ANKRD6: variants seen among roughly 807,000 people sequenced by gnomAD.
ANKRD6 encodes the protein ankyrin repeat domain 6.
Under a neutral mutation model 82.3 loss-of-function variants are expected in ANKRD6, and 56 were observed. That is an observed-to-expected ratio of 0.68 (90% CI 0.55 to 0.85). ANKRD6 has a LOEUF of 0.85. Ranked by LOEUF, ANKRD6 falls within the 40% of genes least tolerant of loss-of-function variation. The probability of loss-of-function intolerance (pLI) is 0.00; values close to 1 mark genes in which losing one functional copy is unlikely to be tolerated. For missense variants in ANKRD6, 852 were observed against 907.6 expected, an observed-to-expected ratio of 0.94 and a Z score of 0.79; for synonymous variants, 347 against 352.1, an observed-to-expected ratio of 0.99 and a Z score of 0.16.
chr6:89,434,526 G>A (rs911013127), intron 1 of ANKRD6, among the ~76,000 whole-genome samples: 17 of 152,136 alleles, frequency 1.1e-4, no homozygotes, highest in Non-Finnish European at 2.2e-4. Flanking sequence ...TCGCTCTGTT[G>A]CCCAGGCTGT....
intron 1 of ANKRD6, among the ~76,000 whole-genome samples, chr6:89,542,178 C>A (rs1156392173): frequency 1.3e-5 from 2 of 152,114 alleles, no homozygotes; most frequent in African/African-American, 2.4e-5. Context: ...TTAACGTGCT[C>A]TTCTGTTTCT....
At chr6:89,586,511 A>T (rs1253963714) in intron 2 of ANKRD6, among the ~76,000 whole-genome samples, 4 of 152,044 alleles carry the variant, frequency 2.6e-5, no homozygotes, top group African/African-American at 9.7e-5. Context: ...ACATGGTGAA[A>T]CCCTGTCTCT....
chr6:89,510,502 CCTT>C (rs1445680879), intron 1 of ANKRD6, among the ~76,000 whole-genome samples: 1 of 151,630 alleles, frequency 6.6e-6, no homozygotes, highest in Admixed American at 6.6e-5. Context: ...GTTTTTTGGT[CCTT>C]ATTATTTTTG....
intron 1 of ANKRD6, among the ~76,000 whole-genome samples, chr6:89,460,213 GATA>G (rs1562549704): frequency 6.6e-6 from 1 of 150,692 alleles, no homozygotes; most frequent in East Asian, 1.9e-4. Flanking sequence ...GATGAATTTG[GATA>G]ATAATGTAGT....
At chr6:89,569,150 G>C (rs979770991) in intron 2 of ANKRD6, among the ~76,000 whole-genome samples, 1 of 151,912 alleles carries the variant, frequency 6.6e-6, no homozygotes, top group Non-Finnish European at 1.5e-5. Context: ...CCTGACCTCA[G>C]GTGACCCACC....
intron 1 of ANKRD6, among the ~76,000 whole-genome samples, chr6:89,441,019 C>G (rs1028032733): frequency 1.3e-5 from 2 of 152,008 alleles, no homozygotes. Context: ...GTTGATGATG[C>G]CTTCACTAGA....
rs538691415 is a variant in ANKRD6, at chr6:89,433,915, C to T, written c.-144+540C>T. ...CATCTCCCGGGGTCCAGAGAGTCGG[C>T]GTGCTGTCTGGTTTGGGTCCAGACA... On this transcript the variant is annotated intron_variant, in intron 1 of 15. Transcript: ENST00000339746. This position sits in a 1 kb window ranked among gnomAD's most constrained non-coding sequence, Gnocchi z 4.3. 6.6e-5 allele frequency among the ~76,000 whole-genome samples: 10 copies of T among 152,364 alleles called. No homozygotes were observed. The South Asian group carries it at 1.4e-3, about 22-fold the overall frequency.
Position 89,433,748 on chromosome 6 carries a change from G to T in ANKRD6, c.-144+373G>T, listed in dbSNP as rs1770258444. Among the ~76,000 whole-genome samples, 1 of 152,186 alleles carries T rather than the reference G, an allele frequency of 6.6e-6. No individual in the cohort carries two copies. The highest frequency in any genetic ancestry group is 2.4e-5 in the African/African-American group (1 of 41,466). On this transcript the variant is annotated intron_variant, in intron 1 of 15. Coordinates refer to ENST00000339746, the MANE Select transcript of ANKRD6 (RefSeq NM_001242809.2). The surrounding 1 kb of genome is among the most constrained non-coding windows in gnomAD (Gnocchi z 4.3). ...GTCCGAGTACCCCGCGGTCTGCGGCGCGTAGGAGGGTAGGTCCCTGGCCTG... is the reference window on the plus strand; with the variant it reads ...GTCCGAGTACCCCGCGGTCTGCGGCTCGTAGGAGGGTAGGTCCCTGGCCTG...
At chr6:89,559,603 T>A (rs1191017129) in intron 1 of ANKRD6, among the ~76,000 whole-genome samples, 1 of 152,210 alleles carries the variant, frequency 6.6e-6, no homozygotes, top group Non-Finnish European at 1.5e-5. Context: ...TGTGATGCTG[T>A]GTTAATTATT....
chr6:89,506,408 G>A (rs556384840), intron 1 of ANKRD6, among the ~76,000 whole-genome samples: 9 of 152,084 alleles, frequency 5.9e-5, no homozygotes, highest in South Asian at 4.1e-4. Flanking sequence ...TCCACCTCCC[G>A]GGTTCAAGCT....
intron 3 of ANKRD6, chr6:89,598,515 T>A: frequency 1.5e-6 from 1 of 679,076 alleles, no homozygotes; most frequent in Non-Finnish European, 1.8e-6. Flanking sequence ...TGTTTCCTCT[T>A]GAAGAGGCGC....
chr6:89,591,879 G>A (rs1374030306), intron 2 of ANKRD6, among the ~76,000 whole-genome samples: 1 of 152,148 alleles, frequency 6.6e-6, no homozygotes, highest in Admixed American at 6.5e-5. Context: ...GAATGTGCAG[G>A]GAACACAGCC....
chr6:89,577,583 G>C (rs1176286418), intron 2 of ANKRD6, among the ~76,000 whole-genome samples: 3 of 152,128 alleles, frequency 2.0e-5, no homozygotes, highest in African/African-American at 7.2e-5. Flanking sequence ...GGAGTCCCCA[G>C]GCAGAGTATC....
chr6:89,592,991 T>C (rs1795190022), intron 2 of ANKRD6, among the ~76,000 whole-genome samples: 1 of 152,146 alleles, frequency 6.6e-6, no homozygotes, highest in Non-Finnish European at 1.5e-5. Flanking sequence ...AGAGGATTGC[T>C]TGAACCTAGA....
At chr6:89,437,371 C>G (rs768639651) in intron 1 of ANKRD6, among the ~76,000 whole-genome samples, 16 of 152,132 alleles carry the variant, frequency 1.1e-4, no homozygotes, top group Non-Finnish European at 1.8e-4. Flanking sequence ...CTGAAAACTC[C>G]AGGACCAATT....
intron 3 of ANKRD6, chr6:89,602,542 A>G (rs1380348091): frequency 6.2e-6 from 1 of 162,344 alleles, no homozygotes; most frequent in Non-Finnish European, 1.4e-5. Context: ...TGACTAGTAC[A>G]GGTCAATGAA....
intron 12 of ANKRD6, 135 bp from the exon 13 acceptor site, chr6:89,624,396 TGTTCCAAA>T: frequency 9.0e-7 from 1 of 1,111,910 alleles, no homozygotes; most frequent in East Asian, 2.6e-5. Flanking sequence ...GCCTATAAGA[TGTTCCAAA>T]GTTATGACAA....
intron 1 of ANKRD6, among the ~76,000 whole-genome samples, chr6:89,522,566 A>G (rs1782013028): frequency 6.6e-6 from 1 of 152,188 alleles, no homozygotes; most frequent in South Asian, 2.1e-4. Flanking sequence ...TAAATTGGGA[A>G]TTATGTGCCA....
intron 1 of ANKRD6, among the ~76,000 whole-genome samples, chr6:89,494,472 G>T (rs1038684677): frequency 2.6e-5 from 4 of 152,286 alleles, no homozygotes; most frequent in East Asian, 1.9e-4. Context: ...GCCCAGAAGA[G>T]TCCAACTCAA....
Sources: gnomAD v4.1 joint callset for allele counts (sites outside exome capture counted in the v4.1 genomes callset) on GRCh38, gnomAD v4.1.1 for gene constraint, Gnocchi (gnomAD v3.1) non-coding constraint, MANE v1.5 for transcripts, NCBI Gene and HGNC (gene_info 2026-07-23, HGNC 2026-07-21) for gene names.